ABAT: variants seen among roughly 807,000 people sequenced by gnomAD.
ABAT encodes the protein 4-aminobutyrate aminotransferase, mitochondrial.
In ABAT, 45 loss-of-function variants were observed where a neutral mutation model predicts 64.6. The ratio of observed to expected loss-of-function variants is 0.70; its 90% CI spans 0.55 to 0.89. The LOEUF (loss-of-function observed/expected upper bound fraction) is 0.89. Among genes scored for constraint, ABAT ranks in the 40% least tolerant of loss-of-function variants. The pLI, the probability that ABAT is intolerant of heterozygous loss-of-function variation, is 0.00. For synonymous variants in ABAT, 297 were observed against 250.5 expected, an observed-to-expected ratio of 1.19 and a Z score of -1.75; for missense variants, 633 against 658.4, an observed-to-expected ratio of 0.96 and a Z score of 0.42.
intron 1 of ABAT, among the ~76,000 whole-genome samples, chr16:8,699,276 G>A (rs2057768217): frequency 1.3e-5 from 2 of 152,280 alleles, no homozygotes; most frequent in East Asian, 3.9e-4. Flanking sequence ...TGTACAAATG[G>A]CCACTTGAGT....
chr16:8,707,197 G>A (rs2057965814), intron 1 of ABAT, among the ~76,000 whole-genome samples: 3 of 151,682 alleles, frequency 2.0e-5, no homozygotes, highest in Admixed American at 1.3e-4. Context: ...TTTTTTTGTT[G>A]TTTTTTTGAG....
At chr16:8,698,397 G>A (rs901552015) in intron 1 of ABAT, among the ~76,000 whole-genome samples, 7 of 151,214 alleles carry the variant, frequency 4.6e-5, no homozygotes, top group African/African-American at 1.2e-4. Context: ...GCAATGGCAC[G>A]ATCTCAGCTC....
chr16:8,743,066 T>G (rs1015451537), intron 2 of ABAT, among the ~76,000 whole-genome samples: 92 of 149,256 alleles, frequency 6.2e-4, no homozygotes, highest in African/African-American at 2.1e-3. Context: ...TCTCTTCTAA[T>G]GGAATACTTT....
At chr16:8,679,257 G>A (rs946834309) in intron 1 of ABAT, among the ~76,000 whole-genome samples, 2 of 152,194 alleles carry the variant, frequency 1.3e-5, no homozygotes, top group Admixed American at 6.5e-5. Flanking sequence ...AACACCAGAA[G>A]TTGCCAGTGG....
chr16:8,730,002 G>C (rs149213913), intron 1 of ABAT, among the ~76,000 whole-genome samples: 34 of 152,212 alleles, frequency 2.2e-4, no homozygotes, highest in African/African-American at 8.2e-4. Flanking sequence ...GTGCAGAGCA[G>C]ACACCCCAGA....
intron 1 of ABAT, among the ~76,000 whole-genome samples, chr16:8,677,139 C>G (rs2057223492): frequency 6.6e-6 from 1 of 152,228 alleles, no homozygotes; most frequent in Non-Finnish European, 1.5e-5. Context: ...TGATCTTAAC[C>G]TCTCTGTGAC....
chr16:8,772,158 CAAT>C (rs2060126893), intron 11 of ABAT, among the ~76,000 whole-genome samples: 1 of 151,878 alleles, frequency 6.6e-6, no homozygotes, highest in Non-Finnish European at 1.5e-5. Flanking sequence ...AGAATAGGAA[CAAT>C]AATAATCAAT....
At chr16:8,688,090 G>A (rs943091516) in intron 1 of ABAT, among the ~76,000 whole-genome samples, 1 of 151,452 alleles carries the variant, frequency 6.6e-6, no homozygotes, top group Non-Finnish European at 1.5e-5. Flanking sequence ...TTTTTGTAGA[G>A]GCAAGGTCTT....
At chr16:8,732,190 TTTTTTG>T (rs1406845731) in intron 1 of ABAT, among the ~76,000 whole-genome samples, 3 of 6,320 alleles carry the variant, frequency 4.7e-4, no homozygotes, top group African/African-American at 5.9e-4. Flanking sequence ...ACTTTAGGTT[TTTTTTG>T]TTTTTTTTTT....
intron 2 of ABAT, among the ~76,000 whole-genome samples, chr16:8,745,420 G>C (rs2059300527): frequency 6.6e-6 from 1 of 151,994 alleles, no homozygotes; most frequent in Non-Finnish European, 1.5e-5. Context: ...CATCAGATCA[G>C]GCATGGTGGC....
intron 1 of ABAT, 98 bp downstream of exon 1, chr16:8,674,809 T>C (rs1433096168): frequency 6.6e-6 from 1 of 152,224 alleles, no homozygotes; most frequent in Non-Finnish European, 1.5e-5. Context: ...CCTGGGCATC[T>C]TCTCCTGGAA....
At chr16:8,702,331 C>A (rs1357083577) in intron 1 of ABAT, among the ~76,000 whole-genome samples, 1 of 151,940 alleles carries the variant, frequency 6.6e-6, no homozygotes, top group Non-Finnish European at 1.5e-5. Context: ...TGGCTCACTG[C>A]AACCTCCGCC....
Position 8,781,548 on chromosome 16 carries a change from A to G in ABAT, c.*118A>G, listed in dbSNP as rs1596475745. 2 of 848,328 alleles carry G rather than the reference A, an allele frequency of 2.4e-6. No individual in the cohort carries two copies. The highest frequency in any genetic ancestry group is 1.2e-4 in the East Asian group (2 of 16,914). 52.6% of individuals were successfully genotyped at this position (848,328 alleles called of 1,614,324 possible). A position where few individuals can be genotyped will look rare whatever the true frequency, so the allele number is the denominator to read the frequency against. On this transcript the variant is annotated 3_prime_UTR_variant, in exon 16 of 16. Coordinates refer to ENST00000268251, the MANE Select transcript of ABAT (RefSeq NM_020686.6). This position sits in a 1 kb window ranked among gnomAD's most constrained non-coding sequence, Gnocchi z 4.5. ...AGAGGTGAATGCACAGTGAAGGGTG[A>G]TTTGTGGGGAGGGAGCATTTTTGGT... is the stretch of plus-strand genomic sequence containing the variant.
intron 13 of ABAT, among the ~76,000 whole-genome samples, 187 bp downstream of exon 13, chr16:8,775,244 C>A (rs1203406473): frequency 6.8e-6 from 1 of 147,520 alleles, no homozygotes; most frequent in African/African-American, 2.5e-5. Flanking sequence ...GTAAGGCCAA[C>A]TCTGGAACAG....
intron 1 of ABAT, among the ~76,000 whole-genome samples, chr16:8,675,180 A>C (rs765802657): frequency 6.6e-6 from 1 of 151,662 alleles, no homozygotes; most frequent in Non-Finnish European, 1.5e-5. Flanking sequence ...CCCCCATCAT[A>C]AGACAAGGAA....
At chr16:8,769,468 A>G (rs1477807879) in intron 11 of ABAT, among the ~76,000 whole-genome samples, 2 of 151,568 alleles carry the variant, frequency 1.3e-5, no homozygotes, top group Admixed American at 6.6e-5. Flanking sequence ...CTGAGGCACA[A>G]GAATCCCTTG....
chr16:8,712,008 G>GT (rs1555485856), intron 1 of ABAT, among the ~76,000 whole-genome samples: 2 of 151,664 alleles, frequency 1.3e-5, no homozygotes, highest in South Asian at 2.1e-4. Flanking sequence ...GGGAGGTCGG[G>GT]GGGGAGGGGC....
chr16:8,699,915 G>A (rs1252884484), intron 1 of ABAT, among the ~76,000 whole-genome samples: 1 of 152,248 alleles, frequency 6.6e-6, no homozygotes, highest in East Asian at 1.9e-4. Context: ...TTGGGCTCAG[G>A]TGATTCTCCC....
At chr16:8,740,305 G>C (rs2059127660) in intron 2 of ABAT, among the ~76,000 whole-genome samples, 1 of 152,174 alleles carries the variant, frequency 6.6e-6, no homozygotes, top group African/African-American at 2.4e-5. Context: ...GGGACTCCAG[G>C]GGTGACTTAG....
Sources: gnomAD v4.1 joint callset for allele counts (sites outside exome capture counted in the v4.1 genomes callset) on GRCh38, gnomAD v4.1.1 for gene constraint, Gnocchi (gnomAD v3.1) non-coding constraint, MANE v1.5 for transcripts, NCBI Gene and HGNC (gene_info 2026-07-23, HGNC 2026-07-21) for gene names.